ST3GAL2: variants seen among roughly 807,000 people sequenced by gnomAD.
ST3GAL2 encodes CMP-N-acetylneuraminate-beta-galactosamide-alpha-2,3-sialyltransferase 2.
Under a neutral mutation model 37.5 loss-of-function variants are expected in ST3GAL2, and 16 were observed. That is an observed-to-expected ratio of 0.43 (90% confidence interval 0.29 to 0.65). ST3GAL2 has a LOEUF of 0.65. ST3GAL2 is among the 30% of genes least tolerant of loss of function. The probability of loss-of-function intolerance (pLI) is 0.17; values close to 1 mark genes in which losing one functional copy is unlikely to be tolerated. For missense variants in ST3GAL2, 383 were observed against 487.8 expected, an observed-to-expected ratio of 0.79 and a Z score of 2.02; for synonymous variants, 238 against 202.9, an observed-to-expected ratio of 1.17 and a Z score of -1.47.
At chr16:70,430,491 C>T (rs988609226) in intron 1 of ST3GAL2, among the ~76,000 whole-genome samples, 1 of 152,210 alleles carries the variant, frequency 6.6e-6, no homozygotes, top group Non-Finnish European at 1.5e-5. Flanking sequence ...CATGCCACAG[C>T]CTCTTCCCGT....
At chr16:70,397,574 A>T (rs755052629) in intron 2 of ST3GAL2, among the ~76,000 whole-genome samples, 2 of 151,790 alleles carry the variant, frequency 1.3e-5, no homozygotes, top group Non-Finnish European at 2.9e-5. Flanking sequence ...AAATACAAAA[A>T]AATTAGCTGA....
rs2047344043 is a variant in ST3GAL2 at position 70,376,130 on chromosome 16, A to G, written c.*5559T>C. On this transcript the variant is annotated 3_prime_UTR_variant, in exon 7 of 7. Transcript: ENST00000342907. Reference sequence around the variant, plus strand: ...CCAGGGGACTGCCATGGCCCTGCGAAGGGGCAGCGTCTCTTCCCTCTGTGG... The same window carrying G: ...CCAGGGGACTGCCATGGCCCTGCGAGGGGGCAGCGTCTCTTCCCTCTGTGG... 6.6e-6 allele frequency: 1 copy of G among 152,246 alleles called. No individual in the cohort carries two copies. Among genetic ancestry groups the G allele is most frequent in the Non-Finnish European group, 1.5e-5 (1 of 68,048 alleles). 9.4% of individuals were successfully genotyped at this position (152,246 alleles called of 1,614,324 possible).
chr16:70,381,725 G>A lies in ST3GAL2; in HGVS notation c.1017C>T (p.Ala339=), dbSNP rs1432472906. The A allele has an allele frequency of 6.2e-7, 1 of 1,613,890 alleles. No individual in the cohort carries two copies. Among genetic ancestry groups the A allele is most frequent in the Non-Finnish European group, 8.5e-7 (1 of 1,179,950 alleles). The change falls in exon 7 of 7, where the codon GCC becomes GCT. Residue 339 remains alanine, a synonymous_variant. Transcript: ENST00000342907. ...GGTAGACTTCGATCTTGCTGGCCTT[G>A]GCCAGCATGTCGATGATGTGGGCCT... ...DFEAHIIDML[A]KASKIEVYRG...
At chr16:70,437,666 C>G (rs2047835055) in intron 1 of ST3GAL2, among the ~76,000 whole-genome samples, 1 of 152,188 alleles carries the variant, frequency 6.6e-6, no homozygotes, top group African/African-American at 2.4e-5. Flanking sequence ...ACAGAGAGAT[C>G]AGGGCAGCCA....
At chr16:70,416,324 C>T (rs911828753) in intron 1 of ST3GAL2, among the ~76,000 whole-genome samples, 3 of 152,198 alleles carry the variant, frequency 2.0e-5, no homozygotes, top group African/African-American at 7.2e-5. Flanking sequence ...TTATCAGACC[C>T]TATTCTCTAA....
rs549106665 is a variant in ST3GAL2 at position 70,380,710 on chromosome 16, GCCCCAGGCAAAGTTAC to G, written c.*963_*978del. 3.9e-5 allele frequency: 6 copies of G among 152,564 alleles called. No individual in the cohort carries two copies. Among genetic ancestry groups the G allele is most frequent in the Non-Finnish European group, 8.8e-5 (6 of 68,216 alleles). The allele number at this position is 152,564 out of a possible 1,614,324, so 9.5% of individuals were successfully genotyped here. On this transcript the variant is annotated 3_prime_UTR_variant, in exon 7 of 7. Coordinates refer to ENST00000342907, the MANE Select transcript of ST3GAL2 (RefSeq NM_006927.4). ...CAGCTTCAGCTTAACCAAAGAATGA[GCCCCAGGCAAAGTTAC>G]CCCCAGGCAAGAGGCGATGGGTGGA...
intron 2 of ST3GAL2, among the ~76,000 whole-genome samples, chr16:70,397,728 AAAAC>A (rs769739395): frequency 7.0e-4 from 106 of 152,326 alleles, no homozygotes; most frequent in African/African-American, 1.3e-3. Context: ...TCCATCTCAA[AAAAC>A]AAACAAACAA....
In ST3GAL2 at chr16:70,408,873, G is replaced by A. The variant is rs536168970; in HGVS notation, c.-1003-9340C>T. 3.0e-4 allele frequency among the ~76,000 whole-genome samples: 31 copies of A among 103,530 alleles called. 1 individual carries two copies. The South Asian group carries it at 0.01, about 34-fold the overall frequency. 67.9% of individuals were successfully genotyped at this position (103,530 alleles called of 152,430 possible). A position where few individuals can be genotyped will look rare whatever the true frequency, so the allele number is the denominator to read the frequency against. On this transcript the variant is annotated intron_variant, in intron 1 of 6. Coordinates refer to ENST00000342907, the MANE Select transcript of ST3GAL2 (RefSeq NM_006927.4). ...GCACCCTAACAGCCTCTTCCTGTAG[G>A]AGACAGCTCAAAGAAACAAAAAAAA...
intron 1 of ST3GAL2, among the ~76,000 whole-genome samples, chr16:70,429,521 G>A (rs989541988): frequency 3.4e-5 from 5 of 148,054 alleles, no homozygotes; most frequent in Non-Finnish European, 4.5e-5. Context: ...CCCGGGAGGC[G>A]GAGCTTGCAG....
At chr16:70,413,619 C>T (rs528092450) in intron 1 of ST3GAL2, among the ~76,000 whole-genome samples, 2 of 149,922 alleles carry the variant, frequency 1.3e-5, no homozygotes, top group African/African-American at 4.9e-5. Flanking sequence ...GCCTGTGATC[C>T]CAGCTACTCC....
intron 1 of ST3GAL2, among the ~76,000 whole-genome samples, chr16:70,435,781 G>A (rs894841264): frequency 7.0e-6 from 1 of 142,846 alleles, no homozygotes; most frequent in African/African-American, 2.6e-5. Context: ...GCAACAAGAG[G>A]GAAACCTCGT....
At chr16:70,402,891 T>C (rs142065058) in intron 1 of ST3GAL2, among the ~76,000 whole-genome samples, 4,049 of 152,250 alleles carry the variant, frequency 0.027, 289 homozygotes, top group East Asian at 0.24. Context: ...CCTCAGGTGA[T>C]CCACCCGCCT....
chr16:70,383,538 T>G (rs1392062779), intron 4 of ST3GAL2, among the ~76,000 whole-genome samples: 69 of 109,720 alleles, frequency 6.3e-4, no homozygotes, highest in Middle Eastern at 5.3e-3. Context: ...GGTGACAGAG[T>G]GAGACTGTCA....
chr16:70,419,706 C>T (rs1447344024), intron 1 of ST3GAL2, among the ~76,000 whole-genome samples: 1 of 152,206 alleles, frequency 6.6e-6, no homozygotes, highest in Non-Finnish European at 1.5e-5. Flanking sequence ...GCAGCTCGCT[C>T]GCCTCGCTAG....
At chr16:70,385,889 CAG>C (rs2047439592) in intron 4 of ST3GAL2, among the ~76,000 whole-genome samples, 1 of 151,468 alleles carries the variant, frequency 6.6e-6, no homozygotes, top group South Asian at 2.1e-4. Context: ...GTATTTTTTG[CAG>C]AGACAGAGTT....
intron 1 of ST3GAL2, among the ~76,000 whole-genome samples, chr16:70,401,488 T>C (rs1470411049): frequency 6.6e-6 from 1 of 152,058 alleles, no homozygotes; most frequent in Non-Finnish European, 1.5e-5. Context: ...GCTCAGCTTG[T>C]TGTGGTGAGG....
At chr16:70,415,464 A>G (rs1415741718) in intron 1 of ST3GAL2, among the ~76,000 whole-genome samples, 1 of 152,184 alleles carries the variant, frequency 6.6e-6, no homozygotes, top group African/African-American at 2.4e-5. Flanking sequence ...AAGATAATAT[A>G]TTGCAAGCCA....
At chr16:70,436,519 A>G (rs1430615113) in intron 1 of ST3GAL2, among the ~76,000 whole-genome samples, 8 of 151,720 alleles carry the variant, frequency 5.3e-5, no homozygotes, top group African/African-American at 1.7e-4. Flanking sequence ...AATTGTGATG[A>G]CCCCAAACCA....
At chr16:70,410,857 C>T (rs1445079981) in intron 1 of ST3GAL2, among the ~76,000 whole-genome samples, 2 of 138,196 alleles carry the variant, frequency 1.4e-5, no homozygotes, top group Non-Finnish European at 3.0e-5. Flanking sequence ...GTAGCAGACA[C>T]TGTTGGCTGT....
Sources: allele counts gnomAD v4.1 joint callset (sites outside exome capture counted in the v4.1 genomes callset), GRCh38; gene constraint gnomAD v4.1.1; transcripts MANE v1.5; gene names NCBI Gene and HGNC (gene_info 2026-07-23, HGNC 2026-07-21).